The following CCNI2 variants were observed in gnomAD, a reference collection of about 807,000 sequenced individuals.
The protein encoded by CCNI2 is cyclin I family member 2, also known as cyclin-I2.
Under a neutral mutation model 33.2 loss-of-function variants are expected in CCNI2, and 32 were observed. The observed-to-expected ratio is 0.96, with a 90% CI of 0.73 to 1.30. The LOEUF (loss-of-function observed/expected upper bound fraction) is 1.30. Ranked by LOEUF, CCNI2 falls within the 50% of genes most tolerant of loss-of-function variation. The pLI, the probability that CCNI2 is intolerant of heterozygous loss-of-function variation, is 0.00. For synonymous variants in CCNI2, 231 were observed against 219.9 expected (o/e 1.05, Z -0.45); for missense variants, 452 against 486.2 (o/e 0.93, Z 0.66).
rs1245651320 is a variant in CCNI2, at chr5:132,747,532, A to G, written c.37A>G (p.Ser13Gly). The change falls in exon 1 of 6, where the codon AGC (serine) becomes GGC (glycine). Residue 13 changes from serine (S) to glycine (G), a missense_variant. By Grantham distance (56) the Ser-to-Gly change is moderately conservative. Transcript: ENST00000378731. The surrounding 1 kb of genome is among the most constrained non-coding windows in gnomAD (Gnocchi z 4.1). Reference protein sequence around the residue: ...SGAQLPPQPSSSEVSAVQSPG... With the variant: ...SGAQLPPQPSGSEVSAVQSPG... ...CGCTCAGCTCCCGCCGCAGCCGTCG[A>G]GCTCAGAGGTCAGCGCCGTCCAGAG... is the stretch of plus-strand genomic sequence containing the variant. 4.7e-6 allele frequency: 7 copies of G among 1,503,346 alleles called. No homozygotes were observed. Among genetic ancestry groups the G allele is most frequent in the Non-Finnish European group, 6.2e-6 (7 of 1,133,808 alleles). The allele number at this position is 1,503,346 out of a possible 1,614,324, so 93.1% of individuals were successfully genotyped here. A position where few individuals can be genotyped will look rare whatever the true frequency, so the allele number is the denominator to read the frequency against.
Position 132,753,000 on chromosome 5 carries a change from A to G in CCNI2, c.*30A>G. 1 of 1,561,996 alleles carries G rather than the reference A, an allele frequency of 6.4e-7. No homozygotes were observed. Among genetic ancestry groups the G allele is most frequent in the Non-Finnish European group, 8.8e-7 (1 of 1,133,310 alleles). On this transcript the variant is annotated 3_prime_UTR_variant, in exon 6 of 6. Transcript: ENST00000378731. ...TCTGCCTCCACCCCGGGGCTTTCAG[A>G]GCATAGTGTGAAACCTCCTTGCTTG...
rs1193082895 is a variant in CCNI2 at position 132,747,694 on chromosome 5, C to T, written c.199C>T (p.Leu67Phe). 1 of 1,497,704 alleles carries T rather than the reference C, an allele frequency of 6.7e-7. No homozygotes were observed. The highest frequency in any genetic ancestry group is 2.8e-5 in the East Asian group (1 of 35,872). 92.8% of individuals were successfully genotyped at this position (1,497,704 alleles called of 1,614,324 possible). The stretch of plus-strand genomic sequence containing the variant: ...GACCCGCCAGCCCGGAGCGGCCTCC[C>T]TCCACGCGGCGTCCGCAGCAGTCCC... ...PGTRQPGAAS[L>F]HAASAAVPVR... The change falls in exon 1 of 6, where the codon CTC becomes TTC. Residue 67 changes from leucine (L) to phenylalanine (F), a missense_variant. Transcript: ENST00000378731. The surrounding 1 kb of genome is among the most constrained non-coding windows in gnomAD (Gnocchi z 4.1).
rs770595956 is a variant in CCNI2, at chr5:132,754,097, C to T, written c.*1127C>T. On this transcript the variant is annotated 3_prime_UTR_variant, in exon 6 of 6. Coordinates refer to ENST00000378731, the MANE Select transcript of CCNI2 (RefSeq NM_001039780.4). ...TCTATATTATAGAGTTAGTATACAT[C>T]TGTATTTTTTCTTGACACACTTTTG... 96 of 307,720 alleles carry T rather than the reference C, an allele frequency of 3.1e-4. No individual in the cohort carries two copies. The highest frequency in any genetic ancestry group is 5.1e-4 in the Non-Finnish European group (83 of 162,104). 19.1% of individuals were successfully genotyped at this position (307,720 alleles called of 1,614,324 possible).
intron 5 of CCNI2, 102 bp downstream of exon 5, chr5:132,752,298 A>G (rs1241035897): frequency 1.4e-5 from 18 of 1,331,640 alleles, no homozygotes; most frequent in Non-Finnish European, 1.8e-5. Context: ...GCCTCTGGAA[A>G]ATGTTCTGGC....
At chr5:132,748,547 G>A in intron 2 of CCNI2, 72 bp downstream of exon 2, 1 of 1,576,674 alleles carries the variant, frequency 6.3e-7, no homozygotes, top group Non-Finnish European at 8.6e-7. Flanking sequence ...ATTCCTGCTT[G>A]AGAGGTGAGG....
intron 4 of CCNI2, 116 bp downstream of exon 4, chr5:132,751,113 C>G (rs1581119753): frequency 1.7e-6 from 2 of 1,187,864 alleles, no homozygotes; most frequent in Non-Finnish European, 2.4e-6. Context: ...ACATGCACCA[C>G]AGTGAGGTGA....
Sources: allele counts gnomAD v4.1 joint callset, GRCh38; gene constraint gnomAD v4.1.1; non-coding constraint Gnocchi (gnomAD v3.1); transcripts MANE v1.5; gene names NCBI Gene and HGNC (gene_info 2026-07-23, HGNC 2026-07-21).